The following SH3GL2 variants were observed in gnomAD, a reference collection of about 807,000 sequenced individuals.
SH3GL2 encodes SH3 domain containing GRB2 like 2, endophilin A1.
A neutral mutation model predicts 46.0 loss-of-function variants in SH3GL2; 24 were observed. The observed-to-expected ratio is 0.52, with a 90% CI of 0.38 to 0.73. The LOEUF is 0.73. SH3GL2 is among the 30% of genes least tolerant of loss of function. The pLI is 0.00. For missense variants in SH3GL2, 413 were observed against 424.2 expected, an observed-to-expected ratio of 0.97 and a Z score of 0.23; for synonymous variants, 196 against 147.1, an observed-to-expected ratio of 1.33 and a Z score of -2.40.
At chr9:17,581,365 C>A (rs1317207069) in intron 1 of SH3GL2, among the ~76,000 whole-genome samples, 1 of 152,156 alleles carries the variant, frequency 6.6e-6, no homozygotes, top group Non-Finnish European at 1.5e-5. Context: ...AGAATCACTG[C>A]GTCATTGTCT....
chr9:17,761,298 G>A (rs571998891), intron 2 of SH3GL2, 139 bp from the exon 3 acceptor site: 19 of 655,586 alleles, frequency 2.9e-5, no homozygotes, highest in Middle Eastern at 2.5e-4. Flanking sequence ...TTCCAGCCGC[G>A]TCTCAGCCTC....
intron 1 of SH3GL2, among the ~76,000 whole-genome samples, chr9:17,697,071 C>G (rs901382205): frequency 6.6e-6 from 1 of 152,088 alleles, no homozygotes; most frequent in Non-Finnish European, 1.5e-5. Context: ...AGAATCAGCT[C>G]CCTCACACCA....
At chr9:17,586,972 C>T (rs537248733) in intron 1 of SH3GL2, among the ~76,000 whole-genome samples, 140 of 152,232 alleles carry the variant, frequency 9.2e-4, no homozygotes, top group African/African-American at 3.0e-3. Context: ...TTTGGGAGGT[C>T]GAGGCAGGCA....
At chr9:17,672,507 T>C (rs1820499551) in intron 1 of SH3GL2, among the ~76,000 whole-genome samples, 1 of 152,150 alleles carries the variant, frequency 6.6e-6, no homozygotes, top group Non-Finnish European at 1.5e-5. Flanking sequence ...GAAAATTAGC[T>C]GGACTTAAGT....
intron 1 of SH3GL2, among the ~76,000 whole-genome samples, chr9:17,663,290 G>C (rs181310107): frequency 1.1e-4 from 16 of 152,274 alleles, no homozygotes; most frequent in Admixed American, 9.8e-4. Context: ...TGTGATGATT[G>C]TTATGTTGGG....
At chr9:17,706,372 T>A (rs1273454189) in intron 1 of SH3GL2, among the ~76,000 whole-genome samples, 1 of 152,110 alleles carries the variant, frequency 6.6e-6, no homozygotes, top group Non-Finnish European at 1.5e-5. Context: ...TAATTTAAGC[T>A]GTTTTTCTCC....
chr9:17,784,014 CTGA>C (rs1055622928), intron 3 of SH3GL2, among the ~76,000 whole-genome samples: 4 of 152,124 alleles, frequency 2.6e-5, no homozygotes, highest in South Asian at 2.1e-4. Context: ...ATTTGGAGGT[CTGA>C]TGATATTTTT....
rs113876030 is a variant in SH3GL2, at chr9:17,793,588, G to T, written c.859+91G>T. 437 of 1,279,282 alleles carry T rather than the reference G, an allele frequency of 3.4e-4. 3 individuals are homozygous for T. In the African/African-American group the frequency reaches 6.0e-3, roughly 18 times the overall value. The allele number at this position is 1,279,282 out of a possible 1,614,324, so 79.2% of individuals were successfully genotyped here. Reference sequence around the variant, plus strand: ...ATTTTAGGAATAGTCCAATCTGGCTGCATAGGAAATATGCAGTAATACATT... The same window carrying T: ...ATTTTAGGAATAGTCCAATCTGGCTTCATAGGAAATATGCAGTAATACATT... On this transcript the variant is annotated intron_variant, in intron 8 of 8. Transcript: ENST00000380607.
At chr9:17,592,253 G>T (rs1818498385) in intron 1 of SH3GL2, among the ~76,000 whole-genome samples, 2 of 152,128 alleles carry the variant, frequency 1.3e-5, no homozygotes, top group South Asian at 2.1e-4. Context: ...CTCTTCCCAG[G>T]CCCTCAAGCG....
intron 1 of SH3GL2, among the ~76,000 whole-genome samples, chr9:17,661,170 AAAAC>A (rs1820202870): frequency 6.6e-6 from 1 of 152,170 alleles, no homozygotes; most frequent in East Asian, 1.9e-4. Context: ...TCAAAAAACA[AAAAC>A]AAAAACAAAA....
intron 1 of SH3GL2, among the ~76,000 whole-genome samples, chr9:17,664,343 C>G (rs1820293611): frequency 6.6e-6 from 1 of 152,104 alleles, no homozygotes; most frequent in Non-Finnish European, 1.5e-5. Flanking sequence ...AAAATCAAAT[C>G]AAGGTGATTA....
At chr9:17,592,788 C>G (rs1221881625) in intron 1 of SH3GL2, among the ~76,000 whole-genome samples, 2 of 152,142 alleles carry the variant, frequency 1.3e-5, no homozygotes, top group African/African-American at 2.4e-5. Flanking sequence ...TGTCTTTTCT[C>G]TGCTACGAGA....
At chr9:17,791,054 T>G (rs531107013) in intron 6 of SH3GL2, among the ~76,000 whole-genome samples, 177 bp from the exon 7 acceptor site, 46 of 152,338 alleles carry the variant, frequency 3.0e-4, no homozygotes, top group African/African-American at 1.1e-3. Flanking sequence ...TCTTTTATCC[T>G]TGATGGATTT....
At chr9:17,596,227 G>C (rs957321676) in intron 1 of SH3GL2, among the ~76,000 whole-genome samples, 1 of 152,126 alleles carries the variant, frequency 6.6e-6, no homozygotes, top group Non-Finnish European at 1.5e-5. Flanking sequence ...AAATTGTGCT[G>C]CTTGGGTTTC....
chr9:17,693,253 C>T (rs1355069035), intron 1 of SH3GL2, among the ~76,000 whole-genome samples: 1 of 152,098 alleles, frequency 6.6e-6, no homozygotes, highest in African/African-American at 2.4e-5. Flanking sequence ...CAGGGTCCTC[C>T]TTTTGAGACT....
At chr9:17,755,219 C>G (rs1301786678) in intron 2 of SH3GL2, among the ~76,000 whole-genome samples, 1 of 152,074 alleles carries the variant, frequency 6.6e-6, no homozygotes, top group African/African-American at 2.4e-5. Context: ...TTATTGAAAA[C>G]CTTTTGTACA....
intron 1 of SH3GL2, among the ~76,000 whole-genome samples, chr9:17,641,167 T>C (rs1819672229): frequency 6.6e-6 from 1 of 152,180 alleles, no homozygotes; most frequent in African/African-American, 2.4e-5. Flanking sequence ...AACTCTGTGC[T>C]TGAGTTGAAT....
chr9:17,611,998 C>T (rs1818877338), intron 1 of SH3GL2, among the ~76,000 whole-genome samples: 1 of 152,126 alleles, frequency 6.6e-6, no homozygotes, highest in Non-Finnish European at 1.5e-5. Context: ...TTTGTGAAGT[C>T]AGTAGCTAAT....
chr9:17,643,208 G>A (rs969695063), intron 1 of SH3GL2, among the ~76,000 whole-genome samples: 2 of 152,094 alleles, frequency 1.3e-5, no homozygotes, highest in African/African-American at 4.8e-5. Context: ...TTGGTGTATA[G>A]GAAAGCTTGT....
Sources: allele counts gnomAD v4.1 joint callset (sites outside exome capture counted in the v4.1 genomes callset), GRCh38; gene constraint gnomAD v4.1.1; transcripts MANE v1.5; gene names NCBI Gene and HGNC (gene_info 2026-07-23, HGNC 2026-07-21).